Variants in FAF1 observed in about 807,000 individuals in gnomAD.
FAF1 encodes FAS-associated factor 1.
FAF1 carries 25 observed loss-of-function variants against 92.5 expected under a neutral mutation model. The ratio of observed to expected loss-of-function variants is 0.27; its 90% CI spans 0.20 to 0.38. The LOEUF (loss-of-function observed/expected upper bound fraction) is 0.38, where lower values mean the gene tolerates loss of function less well. FAF1 is among the 10% of genes least tolerant of loss of function. The pLI is 1.00. For missense variants in FAF1, 636 were observed against 793.3 expected, an observed-to-expected ratio of 0.80 and a Z score of 2.38; for synonymous variants, 234 against 273.2, an observed-to-expected ratio of 0.86 and a Z score of 1.42.
At chr1:50,481,274 T>A (rs1394659284) in intron 17 of FAF1, among the ~76,000 whole-genome samples, 2 of 152,226 alleles carry the variant, frequency 1.3e-5, no homozygotes, top group African/African-American at 4.8e-5. Flanking sequence ...TCCTAGGCCT[T>A]CATATTCACT....
rs369588923 is a variant in FAF1 at position 50,766,656 on chromosome 1, GCA to G, written c.367+21342_367+21343del. ...TGGGGATCCAGCACAGGGCTACCGT[GCA>G]CAGGTATTCATTCTTGGCCCCCAAC... On this transcript the variant is annotated intron_variant, in intron 4 of 18. Transcript: ENST00000396153. Among the ~76,000 whole-genome samples, 28 of 152,212 alleles carry G rather than the reference GCA, an allele frequency of 1.8e-4. No individual in the cohort carries two copies. The South Asian group carries it at 4.6e-3, about 25-fold the overall frequency.
rs989803641 is a variant in FAF1 at position 50,441,243 on chromosome 1, G to T, written c.*197C>A. On this transcript the variant is annotated 3_prime_UTR_variant, in exon 19 of 19. Coordinates refer to ENST00000396153, the MANE Select transcript of FAF1 (RefSeq NM_007051.3). ...AGAGTTGTAATTCTCTGTAATAAGG[G>T]TTGGGAATATATACTCATGGATGGG... is the stretch of plus-strand genomic sequence containing the variant. 1.2e-5 allele frequency: 6 copies of T among 486,326 alleles called. No homozygotes were observed. The highest frequency in any genetic ancestry group is 1.2e-4 in the African/African-American group (6 of 50,778). 30.1% of individuals were successfully genotyped at this position (486,326 alleles called of 1,614,324 possible). A position where few individuals can be genotyped will look rare whatever the true frequency, so the allele number is the denominator to read the frequency against.
At chr1:50,539,875 T>G (rs1186828669) in intron 13 of FAF1, 147 bp from the exon 14 acceptor site, 1 of 613,886 alleles carries the variant, frequency 1.6e-6, no homozygotes, top group African/African-American at 1.9e-5. Context: ...TATATTGAGT[T>G]TTCAAACATA....
chr1:50,649,301 C>T (rs904230421), intron 8 of FAF1, among the ~76,000 whole-genome samples: 3 of 151,774 alleles, frequency 2.0e-5, no homozygotes, highest in Non-Finnish European at 2.9e-5. Flanking sequence ...TACAGGCATG[C>T]GCCACACACC....
intron 15 of FAF1, among the ~76,000 whole-genome samples, chr1:50,501,255 C>T (rs1008934721): frequency 1.3e-5 from 2 of 152,224 alleles, no homozygotes; most frequent in African/African-American, 4.8e-5. Flanking sequence ...TCAAAAGACA[C>T]ATAGACAGCA....
chr1:50,542,309 T>C (rs1213374581), intron 13 of FAF1, among the ~76,000 whole-genome samples: 1 of 152,196 alleles, frequency 6.6e-6, no homozygotes, highest in African/African-American at 2.4e-5. Flanking sequence ...CATTCCATTA[T>C]AATTAACAAG....
chr1:50,630,073 C>T (rs1283595521), intron 8 of FAF1, among the ~76,000 whole-genome samples: 4 of 151,780 alleles, frequency 2.6e-5, no homozygotes, highest in South Asian at 2.1e-4. Context: ...AAAAACATAT[C>T]GACGTTCAGC....
rs1332650562 is a variant in FAF1 at position 50,527,868 on chromosome 1, C to CCT, written c.1494+7499_1494+7500dup. 4.4e-3 allele frequency among the ~76,000 whole-genome samples: 253 copies of CCT among 57,164 alleles called. 4 individuals are homozygous for CCT. Among genetic ancestry groups the CCT allele is most frequent in the Admixed American group, 9.4e-3 (49 of 5,230 alleles). 37.5% of individuals were successfully genotyped at this position (57,164 alleles called of 152,430 possible). A position where few individuals can be genotyped will look rare whatever the true frequency, so the allele number is the denominator to read the frequency against. ...CCCTCTCTCCCTCTCTCCCTCTCTCCCTCTCTCTCTCTCTCTCTCTCTGAG... is the reference window on the plus strand; with the variant it reads ...CCCTCTCTCCCTCTCTCCCTCTCTCCCTCTCTCTCTCTCTCTCTCTCTCTGAG... On this transcript the variant is annotated intron_variant, in intron 15 of 18. Transcript: ENST00000396153.
chr1:50,608,810 AG>A (rs1322653406), intron 8 of FAF1, among the ~76,000 whole-genome samples: 1 of 152,220 alleles, frequency 6.6e-6, no homozygotes, highest in African/African-American at 2.4e-5. Flanking sequence ...CCATTCTTCT[AG>A]GGTTTGAAAT....
chr1:50,890,781 G>A (rs1339837452), intron 1 of FAF1, among the ~76,000 whole-genome samples: 1 of 152,088 alleles, frequency 6.6e-6, no homozygotes, highest in Non-Finnish European at 1.5e-5. Context: ...CTTTCTCTCT[G>A]GCTGCCCTTA....
intron 7 of FAF1, among the ~76,000 whole-genome samples, chr1:50,664,797 TAAAC>T (rs60944603): frequency 0.48 from 73,157 of 151,062 alleles, 19,863 homozygotes; most frequent in African/African-American, 0.73. Flanking sequence ...CCGTCTCAAA[TAAAC>T]AAACAAACAA....
rs532171036 is a variant in FAF1, at chr1:50,707,709, A to G, written c.552-1818T>C. ...ACGCTGTCCCAAAAAAAAGAAAGAA[A>G]AAAGAAAAGAAAAAAGAAAAAAAGG... is the stretch of plus-strand genomic sequence containing the variant. On this transcript the variant is annotated intron_variant, in intron 6 of 18. Coordinates refer to ENST00000396153, the MANE Select transcript of FAF1 (RefSeq NM_007051.3). 2.0e-5 allele frequency among the ~76,000 whole-genome samples: 3 copies of G among 148,700 alleles called. No homozygotes were observed. In the East Asian group the frequency reaches 5.8e-4, roughly 29 times the overall value.
At chr1:50,611,596 CAT>C (rs1652687669) in intron 8 of FAF1, among the ~76,000 whole-genome samples, 2 of 152,244 alleles carry the variant, frequency 1.3e-5, no homozygotes, top group Admixed American at 6.5e-5. Context: ...CTCAAGGAAA[CAT>C]GAGATGATGA....
chr1:50,943,034 G>A (rs781235702), intron 1 of FAF1, among the ~76,000 whole-genome samples: 2 of 152,086 alleles, frequency 1.3e-5, no homozygotes, highest in Non-Finnish European at 2.9e-5. Context: ...AGAACAATCA[G>A]TACCCTATTC....
intron 8 of FAF1, among the ~76,000 whole-genome samples, chr1:50,643,891 C>T (rs979513216): frequency 1.3e-5 from 2 of 152,148 alleles, no homozygotes; most frequent in African/African-American, 4.8e-5. Context: ...TCGCTGCCCC[C>T]ACTCCCACCC....
intron 9 of FAF1, among the ~76,000 whole-genome samples, chr1:50,593,036 T>G (rs1454393141): frequency 6.6e-6 from 1 of 151,000 alleles, no homozygotes; most frequent in Admixed American, 6.6e-5. Flanking sequence ...GGGTAGAAGG[T>G]ACAATTACAC....
chr1:50,721,743 C>G (rs530862157), intron 6 of FAF1, among the ~76,000 whole-genome samples: 25 of 152,206 alleles, frequency 1.6e-4, no homozygotes, highest in Non-Finnish European at 3.2e-4. Flanking sequence ...TCCATCTCAG[C>G]CTCCCAAGTA....
At chr1:50,555,254 C>T (rs936919445) in intron 13 of FAF1, among the ~76,000 whole-genome samples, 2 of 150,254 alleles carry the variant, frequency 1.3e-5, no homozygotes, top group Non-Finnish European at 1.5e-5. Flanking sequence ...CTGACACACA[C>T]ACACACACAC....
rs983097314 is a variant in FAF1 at position 50,893,194 on chromosome 1, T to C, written c.46-35197A>G. Among the ~76,000 whole-genome samples the C allele has an allele frequency of 1.5e-4, 23 of 152,198 alleles. 1 individual carries two copies. Among genetic ancestry groups the C allele is most frequent in the Admixed American group, 1.1e-3 (17 of 15,284 alleles). On this transcript the variant is annotated intron_variant, in intron 1 of 18. Transcript: ENST00000396153. ...TCCAGGATTGGTCCCTGGTGCCTCATTTAACTCATTTGGTGAAGTCACGTT... is the reference window on the plus strand; with the variant it reads ...TCCAGGATTGGTCCCTGGTGCCTCACTTAACTCATTTGGTGAAGTCACGTT...
Sources: gnomAD v4.1 joint callset for allele counts (sites outside exome capture counted in the v4.1 genomes callset) on GRCh38, gnomAD v4.1.1 for gene constraint, MANE v1.5 for transcripts, NCBI Gene and HGNC (gene_info 2026-07-23, HGNC 2026-07-21) for gene names.